LTBP1: variants seen among roughly 807,000 people sequenced by gnomAD.
LTBP1 encodes the protein latent transforming growth factor beta binding protein 1.
In LTBP1, 129 loss-of-function variants were observed where a neutral mutation model predicts 207.6. That is an observed-to-expected ratio of 0.62 (90% CI 0.54 to 0.72). The LOEUF (loss-of-function observed/expected upper bound fraction) is 0.72. Ranked by LOEUF, LTBP1 falls within the 30% of genes least tolerant of loss-of-function variation. The probability of loss-of-function intolerance (pLI) is 0.00; values close to 1 mark genes in which losing one functional copy is unlikely to be tolerated. For missense variants in LTBP1, 2,281 were observed against 2,217.2 expected, an observed-to-expected ratio of 1.03 and a Z score of -0.58; for synonymous variants, 963 against 833.7, an observed-to-expected ratio of 1.16 and a Z score of -2.67.
At chr2:33,079,757 C>T (rs1329948375) in intron 3 of LTBP1, among the ~76,000 whole-genome samples, 2 of 152,166 alleles carry the variant, frequency 1.3e-5, no homozygotes, top group Non-Finnish European at 2.9e-5. Flanking sequence ...ATCAGCCTCC[C>T]ACCTCCTTTC....
intron 20 of LTBP1, among the ~76,000 whole-genome samples, chr2:33,293,646 A>G (rs2093817707): frequency 6.6e-6 from 1 of 152,324 alleles, no homozygotes; most frequent in African/African-American, 2.4e-5. Flanking sequence ...TTATTTCTGA[A>G]TAAAATTGAT....
chr2:33,201,291 G>T (rs536419243), intron 7 of LTBP1, among the ~76,000 whole-genome samples: 1 of 152,238 alleles, frequency 6.6e-6, no homozygotes, highest in African/African-American at 2.4e-5. Flanking sequence ...GGAATACTAT[G>T]CAGCCATAAA....
intron 22 of LTBP1, among the ~76,000 whole-genome samples, chr2:33,303,748 C>G (rs941306403): frequency 1.3e-5 from 2 of 152,164 alleles, no homozygotes; most frequent in African/African-American, 4.8e-5. Flanking sequence ...AATCCAGCTG[C>G]TGATCTGTCA....
chr2:33,305,767 G>C (rs994782491), intron 22 of LTBP1, among the ~76,000 whole-genome samples: 1 of 152,166 alleles, frequency 6.6e-6, no homozygotes, highest in Non-Finnish European at 1.5e-5. Flanking sequence ...ACCAGCAAAG[G>C]AGATTGAGGA....
At chr2:33,190,469 A>C (rs1484935183) in intron 7 of LTBP1, among the ~76,000 whole-genome samples, 1 of 152,146 alleles carries the variant, frequency 6.6e-6, no homozygotes, top group African/African-American at 2.4e-5. Flanking sequence ...TAGGAGAAGG[A>C]GGGGAGATTG....
At chr2:33,079,277 C>T (rs1184273414) in intron 3 of LTBP1, among the ~76,000 whole-genome samples, 1 of 152,048 alleles carries the variant, frequency 6.6e-6, no homozygotes, top group Non-Finnish European at 1.5e-5. Flanking sequence ...AAGGCAGAAT[C>T]GCAGGACAGG....
intron 2 of LTBP1, among the ~76,000 whole-genome samples, chr2:32,993,718 A>G (rs1488098241): frequency 6.6e-6 from 1 of 152,160 alleles, no homozygotes; most frequent in East Asian, 1.9e-4. Context: ...CTGTGAACCC[A>G]GGGAACCCAA....
intron 10 of LTBP1, among the ~76,000 whole-genome samples, chr2:33,247,309 A>G (rs773800060): frequency 2.0e-5 from 3 of 152,226 alleles, no homozygotes; most frequent in African/African-American, 4.8e-5. Context: ...GAAACATACC[A>G]TGCTTATCTT....
intron 3 of LTBP1, among the ~76,000 whole-genome samples, chr2:33,046,117 C>A (rs368202070): frequency 3.9e-5 from 6 of 152,248 alleles, no homozygotes; most frequent in Admixed American, 6.5e-5. Flanking sequence ...CTTTCTCTTG[C>A]CTGATTTCAC....
intron 7 of LTBP1, among the ~76,000 whole-genome samples, chr2:33,193,030 T>G (rs2088090409): frequency 6.6e-6 from 1 of 152,324 alleles, no homozygotes; most frequent in South Asian, 2.1e-4. Flanking sequence ...CACATGAACT[T>G]TGGGGGACAC....
chr2:33,329,327 A>G (rs541122033), intron 24 of LTBP1, among the ~76,000 whole-genome samples: 5 of 152,326 alleles, frequency 3.3e-5, no homozygotes, highest in African/African-American at 1.2e-4. Flanking sequence ...ATTCTGCATA[A>G]GAAACTTCTT....
intron 5 of LTBP1, among the ~76,000 whole-genome samples, chr2:33,150,781 A>G (rs539726772): frequency 5.1e-5 from 6 of 118,204 alleles, no homozygotes; most frequent in Non-Finnish European, 4.9e-5. Context: ...TGCAGTGGCA[A>G]CCTCCACCTG....
chr2:33,064,796 A>G (rs1027489579), intron 3 of LTBP1, among the ~76,000 whole-genome samples: 3 of 152,228 alleles, frequency 2.0e-5, no homozygotes, highest in Non-Finnish European at 2.9e-5. Context: ...CAGAAGGCAC[A>G]TGGGTAATTT....
chr2:33,188,975 GC>G, intron 7 of LTBP1, 124 bp downstream of exon 7: 1 of 1,152,342 alleles, frequency 8.7e-7, no homozygotes, highest in Non-Finnish European at 1.2e-6. Context: ...ATGACTTGTG[GC>G]CATATTTTTG....
chr2:33,181,574 C>T (rs1161471788), intron 5 of LTBP1, among the ~76,000 whole-genome samples: 1 of 152,210 alleles, frequency 6.6e-6, no homozygotes, highest in Admixed American at 6.5e-5. Context: ...GAAGGCCTAC[C>T]TCTTGTTAAT....
In LTBP1 at chr2:33,110,768, C is replaced by A; in HGVS notation, c.1033+17C>A. 1 of 1,607,596 alleles carries A rather than the reference C, an allele frequency of 6.2e-7. No individual in the cohort carries two copies. The highest frequency in any genetic ancestry group is 1.1e-5 in the South Asian group (1 of 90,352). ...CTTTTCAGCGTGAGTATAGTCTTAT[C>A]AACCATTTTCCCAAGTTATGGTATC... On this transcript the variant is annotated intron_variant, in intron 4 of 33. Transcript: ENST00000404816.
intron 9 of LTBP1, among the ~76,000 whole-genome samples, chr2:33,224,320 T>C (rs1306935013): frequency 6.6e-6 from 1 of 152,186 alleles, no homozygotes; most frequent in African/African-American, 2.4e-5. Flanking sequence ...CCTTCACTAA[T>C]CCAATCCTGC....
At chr2:33,243,631 G>T in intron 9 of LTBP1, 31 bp from the exon 10 acceptor site, 1 of 1,610,764 alleles carries the variant, frequency 6.2e-7, no homozygotes, top group Non-Finnish European at 8.5e-7. Context: ...GGGCTTGACT[G>T]CTCCTTCTAA....
chr2:33,182,593 C>T lies in LTBP1; in HGVS notation c.1202-4263C>T, dbSNP rs181409776. ...AGGAGAATGGCACGAACCCAGGAGGCGGAGCTTGCAGTGAGCCGAGATGGC... is the reference window on the plus strand; with the variant it reads ...AGGAGAATGGCACGAACCCAGGAGGTGGAGCTTGCAGTGAGCCGAGATGGC... On this transcript the variant is annotated intron_variant, in intron 5 of 33. Coordinates refer to ENST00000404816, the MANE Select transcript of LTBP1 (RefSeq NM_206943.4). 6.9e-3 allele frequency among the ~76,000 whole-genome samples: 1,022 copies of T among 148,986 alleles called. 13 individuals carry two copies. Among genetic ancestry groups the T allele is most frequent in the African/African-American group, 0.024 (959 of 40,368 alleles).
Sources: allele counts gnomAD v4.1 joint callset (sites outside exome capture counted in the v4.1 genomes callset), GRCh38; gene constraint gnomAD v4.1.1; transcripts MANE v1.5; gene names NCBI Gene and HGNC (gene_info 2026-07-23, HGNC 2026-07-21).